LINGO2: variants seen among roughly 807,000 people sequenced by gnomAD.
LINGO2 encodes the protein leucine rich repeat and Ig domain containing 2, also known as leucine-rich repeat and immunoglobulin-like domain-containing nogo receptor-interacting protein 2.
Under a neutral mutation model 30.6 loss-of-function variants are expected in LINGO2, and 14 were observed. That is an observed-to-expected ratio of 0.46 (90% CI 0.30 to 0.72). The LOEUF is 0.72. LINGO2 is among the 30% of genes least tolerant of loss of function. The probability of loss-of-function intolerance (pLI) is 0.07; values close to 1 mark genes in which losing one functional copy is unlikely to be tolerated. For synonymous variants in LINGO2, 317 were observed against 288.5 expected, an observed-to-expected ratio of 1.10 and a Z score of -1.00; for missense variants, 729 against 751.7, an observed-to-expected ratio of 0.97 and a Z score of 0.35.
the LINGO2 span, among the ~76,000 whole-genome samples, chr9:28,702,491 G>C: frequency 1.3e-5 from 2 of 151,666 alleles, no homozygotes; most frequent in African/African-American, 4.8e-5. Context: ...AATCCCACTT[G>C]GTTCTGTTGT....
At chr9:28,529,117 C>A (rs1487693298) in intron 1 of LINGO2, among the ~76,000 whole-genome samples, 1 of 152,028 alleles carries the variant, frequency 6.6e-6, no homozygotes, top group Non-Finnish European at 1.5e-5. Context: ...TATCTGCTAC[C>A]CATCTGGGAA....
the LINGO2 span, among the ~76,000 whole-genome samples, chr9:28,896,203 A>T: frequency 6.6e-6 from 1 of 152,178 alleles, no homozygotes; most frequent in South Asian, 2.1e-4. Context: ...TTGAACCATA[A>T]GACAATGCAG....
chr9:28,319,339 T>C (rs1261033903), intron 3 of LINGO2, among the ~76,000 whole-genome samples: 1 of 152,192 alleles, frequency 6.6e-6, no homozygotes, highest in Non-Finnish European at 1.5e-5. Context: ...TCATCTATCT[T>C]TTTCTTTACT....
intron 1 of LINGO2, among the ~76,000 whole-genome samples, chr9:28,479,915 A>G (rs1454902794): frequency 4.7e-3 from 191 of 40,294 alleles, no homozygotes; most frequent in Middle Eastern, 0.016. Flanking sequence ...ACGTAGGTAT[A>G]TATATATATA....
the LINGO2 span, among the ~76,000 whole-genome samples, chr9:28,814,870 C>T: frequency 2.6e-5 from 4 of 152,094 alleles, no homozygotes; most frequent in African/African-American, 7.2e-5. Context: ...TCAAGAGTGA[C>T]AAAATCACTC....
chr9:28,346,732 G>C (rs893215546), intron 3 of LINGO2, among the ~76,000 whole-genome samples: 2 of 151,788 alleles, frequency 1.3e-5, no homozygotes, highest in Non-Finnish European at 2.9e-5. Flanking sequence ...ATTCTGACTG[G>C]TGTGGGATCA....
At chr9:28,465,424 C>T (rs780199296) in intron 2 of LINGO2, among the ~76,000 whole-genome samples, 26 of 152,000 alleles carry the variant, frequency 1.7e-4, no homozygotes, top group African/African-American at 3.1e-4. Flanking sequence ...TGTGTGTGTG[C>T]GCTGAGTTTG....
At chr9:28,443,175 A>G (rs1490895875) in intron 2 of LINGO2, among the ~76,000 whole-genome samples, 3 of 152,234 alleles carry the variant, frequency 2.0e-5, no homozygotes, top group African/African-American at 7.2e-5. Context: ...TCAGGTGCCT[A>G]TTGCCGTGCT....
intron 4 of LINGO2, among the ~76,000 whole-genome samples, chr9:28,237,266 G>A (rs2133958581): frequency 6.6e-6 from 1 of 151,742 alleles, no homozygotes; most frequent in East Asian, 1.9e-4. Context: ...ACCTCAAATT[G>A]AAAAAGCATA....
intron 4 of LINGO2, among the ~76,000 whole-genome samples, chr9:28,189,573 A>G (rs796987056): frequency 1.7e-4 from 3 of 17,486 alleles, no homozygotes; most frequent in Non-Finnish European, 2.3e-4. Flanking sequence ...GGAAGGAAGG[A>G]AGGAAGGGAG....
At position 28,482,194 on chromosome 9, in the gene LINGO2, G is replaced by A. The variant is rs998120722; in HGVS notation, c.-364-6169C>T. ...TCTAGTTCTAGATCCCTGAGGAATCGCCACACTGACTTCCACAATGGTTGA... is the reference window on the plus strand; with the variant it reads ...TCTAGTTCTAGATCCCTGAGGAATCACCACACTGACTTCCACAATGGTTGA... On this transcript the variant is annotated intron_variant, in intron 1 of 5. Coordinates refer to ENST00000379992, the Ensembl canonical transcript of LINGO2. 8.6e-5 allele frequency among the ~76,000 whole-genome samples: 13 copies of A among 151,868 alleles called. No individual in the cohort carries two copies. The East Asian group carries it at 1.9e-3, about 23-fold the overall frequency.
At chr9:29,077,734 C>T in the LINGO2 span, among the ~76,000 whole-genome samples, 42 of 151,826 alleles carry the variant, frequency 2.8e-4, no homozygotes, top group African/African-American at 9.4e-4. Context: ...CTTTTAAGAG[C>T]AGATGAATAA....
At chr9:29,202,417 T>C in the LINGO2 span, among the ~76,000 whole-genome samples, 16 of 152,040 alleles carry the variant, frequency 1.1e-4, no homozygotes, top group Admixed American at 1.0e-3. Flanking sequence ...CAGATTATTT[T>C]ACTTTTAAAT....
At chr9:28,918,796 A>G in the LINGO2 span, among the ~76,000 whole-genome samples, 1 of 152,178 alleles carries the variant, frequency 6.6e-6, no homozygotes, top group Non-Finnish European at 1.5e-5. Flanking sequence ...AACATGAAAC[A>G]AAACAACAAA....
At chr9:28,544,498 G>C (rs565568498) in intron 1 of LINGO2, among the ~76,000 whole-genome samples, 2 of 152,000 alleles carry the variant, frequency 1.3e-5, no homozygotes, top group Non-Finnish European at 2.9e-5. Context: ...TCATGTTCAT[G>C]ACTTCTGTTG....
chr9:28,754,049 CAAT>C, the LINGO2 span, among the ~76,000 whole-genome samples: 25 of 136,770 alleles, frequency 1.8e-4, no homozygotes, highest in African/African-American at 6.2e-4. Flanking sequence ...CACACACACA[CAAT>C]GTTAATAAAA....
At chr9:29,070,842 T>C in the LINGO2 span, among the ~76,000 whole-genome samples, 1 of 151,506 alleles carries the variant, frequency 6.6e-6, no homozygotes, top group South Asian at 2.1e-4. Context: ...CATGAATTTT[T>C]ATTATTTATG....
At chr9:28,059,721 C>T (rs1371581794) in intron 4 of LINGO2, among the ~76,000 whole-genome samples, 1 of 152,004 alleles carries the variant, frequency 6.6e-6, no homozygotes, top group Non-Finnish European at 1.5e-5. Context: ...ATTGGAAAGG[C>T]CCTATAGCCA....
chr9:28,879,200 A>G, the LINGO2 span, among the ~76,000 whole-genome samples: 2 of 152,182 alleles, frequency 1.3e-5, no homozygotes, highest in African/African-American at 2.4e-5. Flanking sequence ...AATAACAGCC[A>G]AACAGAGACC....
Sources: allele counts gnomAD v4.1 joint callset (sites outside exome capture counted in the v4.1 genomes callset), GRCh38; gene constraint gnomAD v4.1.1; transcripts MANE v1.5; gene names NCBI Gene and HGNC (gene_info 2026-07-23, HGNC 2026-07-21).